SREBF2: variants seen among roughly 807,000 people sequenced by gnomAD.
The protein encoded by SREBF2 is sterol regulatory element-binding protein 2.
SREBF2 carries 55 observed loss-of-function variants against 113.1 expected under a neutral mutation model. The observed-to-expected ratio is 0.49, with a 90% CI of 0.39 to 0.61. SREBF2 has a LOEUF of 0.61. Among genes scored for constraint, SREBF2 ranks in the 20% least tolerant of loss-of-function variants. The pLI is 0.00. For synonymous variants in SREBF2, 593 were observed against 605.7 expected (o/e 0.98, Z 0.31); for missense variants, 1,349 against 1,487.4 (o/e 0.91, Z 1.53).
At chr22:41,878,719 A>C (rs980707634) in intron 9 of SREBF2, 1 of 1,304,314 alleles carries the variant, frequency 7.7e-7, no homozygotes, top group Non-Finnish European at 1.0e-6. Flanking sequence ...AAACATCCAC[A>C]TTTCAAGAGG....
intron 1 of SREBF2, among the ~76,000 whole-genome samples, chr22:41,856,536 T>C (rs958745119): frequency 1.4e-4 from 21 of 152,132 alleles, no homozygotes; most frequent in African/African-American, 4.6e-4. Flanking sequence ...TTAAATAGTT[T>C]TGAAGTAGAA....
intron 1 of SREBF2, among the ~76,000 whole-genome samples, chr22:41,849,833 A>G (rs1359094791): frequency 6.6e-6 from 1 of 152,188 alleles, no homozygotes; most frequent in African/African-American, 2.4e-5. Context: ...CAGCATTGAA[A>G]TGAACATTGA....
rs577901141 is a variant in SREBF2 at position 41,865,013 on chromosome 22, A to G, written c.89-1818A>G. ...AGGCTGTTCTCAAACTCCTGACCTC[A>G]AGTGACCCTCCCACCTTGGCCTCAC... On this transcript the variant is annotated intron_variant, in intron 1 of 18. Transcript: ENST00000361204. Among the ~76,000 whole-genome samples, 61 of 152,138 alleles carry G rather than the reference A, an allele frequency of 4.0e-4. No homozygotes were observed. The South Asian group carries it at 9.8e-3, about 24-fold the overall frequency.
intron 1 of SREBF2, among the ~76,000 whole-genome samples, chr22:41,864,324 T>TA (rs34701406): frequency 0.17 from 15,864 of 95,270 alleles, 1,889 homozygotes; most frequent in Admixed American, 0.33. Flanking sequence ...TATATATATA[T>TA]TTTTTTTTTT....
At chr22:41,889,644 C>T (rs2077336947) in intron 11 of SREBF2, among the ~76,000 whole-genome samples, 1 of 151,460 alleles carries the variant, frequency 6.6e-6, no homozygotes, top group Non-Finnish European at 1.5e-5. Context: ...ATGGTCACAC[C>T]TGTGAATAGA....
chr22:41,883,890 A>G (rs2077273422), intron 10 of SREBF2, among the ~76,000 whole-genome samples: 1 of 152,220 alleles, frequency 6.6e-6, no homozygotes, highest in African/African-American at 2.4e-5. Context: ...AGTGAGGACC[A>G]AAGCCAGCAA....
In SREBF2 at chr22:41,905,520, C is replaced by G. The variant is rs1432917304; in HGVS notation, c.3286C>G (p.Leu1096Val). 8 of 1,585,162 alleles carry G rather than the reference C, an allele frequency of 5.0e-6. No homozygotes were observed. Among genetic ancestry groups the G allele is most frequent in the Non-Finnish European group, 6.9e-6 (8 of 1,166,252 alleles). The change falls in exon 19 of 19, where the codon CTC (leucine) becomes GTC (valine). Residue 1096 changes from leucine to valine, a missense_variant. Leu to Val is a conservative substitution (Grantham distance 32). Around this residue, in one of 2 missense-constraint regions of SREBF2, gnomAD observed 650 missense variants for 644.1 expected, o/e 1.01. Transcript: ENST00000361204. ...CTGCCGCCACCTGCCCCTCTCCTTC[C>G]TCTCCTCCCCGGGCCAGCGGGCAGT... is the stretch of plus-strand genomic sequence containing the variant. ...LACRHLPLSF[L>V]SSPGQRAVLL...
intron 5 of SREBF2, 134 bp from the exon 6 acceptor site, chr22:41,875,203 T>A: frequency 1.4e-6 from 1 of 733,040 alleles, no homozygotes; most frequent in Non-Finnish European, 2.4e-6. Flanking sequence ...CAGCTAATCA[T>A]TGGGAGGACC....
chr22:41,871,885 C>G (rs989607287), intron 4 of SREBF2, among the ~76,000 whole-genome samples: 13 of 135,600 alleles, frequency 9.6e-5, no homozygotes, highest in African/African-American at 3.7e-4. Flanking sequence ...GATGACAGAA[C>G]GAGACTGACT....
chr22:41,849,263 G>A (rs1193955547), intron 1 of SREBF2, among the ~76,000 whole-genome samples: 2 of 152,076 alleles, frequency 1.3e-5, no homozygotes, highest in African/African-American at 4.8e-5. Context: ...CGCGATCTCA[G>A]CTACTGCAAA....
Position 41,870,898 on chromosome 22 carries a change from C to T in SREBF2, c.730C>T (p.Gln244Ter). ...TTCCTTCTTCATCCAGGTCCTGGTC[C>T]AGCCTCAGATCATCAAGACAGATTC... ...PQVQQVPVLV[Q>*]PQIIKTDSLV... Residue 244 changes from glutamine (Q) to a stop codon, truncating the protein, a stop_gained, in exon 4 of 19, where the codon CAG becomes TAG. Coordinates refer to ENST00000361204, the MANE Select transcript of SREBF2 (RefSeq NM_004599.4). LOFTEE classifies it high-confidence loss of function. 2 of 1,614,098 alleles carry T rather than the reference C, an allele frequency of 1.2e-6. No individual in the cohort carries two copies. The highest frequency in any genetic ancestry group is 1.7e-6 in the Non-Finnish European group (2 of 1,180,036).
At chr22:41,854,639 C>A (rs977700816) in intron 1 of SREBF2, among the ~76,000 whole-genome samples, 3 of 151,572 alleles carry the variant, frequency 2.0e-5, no homozygotes, top group Non-Finnish European at 4.4e-5. Context: ...GAGGCTGAGG[C>A]GGGCAGATCA....
intron 17 of SREBF2, among the ~76,000 whole-genome samples, chr22:41,903,976 C>T (rs989803643): frequency 4.6e-5 from 7 of 152,204 alleles, no homozygotes; most frequent in South Asian, 2.1e-4. Flanking sequence ...AGGCCTGGAG[C>T]GGCACCCCTG....
At chr22:41,902,929 G>A in intron 16 of SREBF2, 41 bp from the exon 17 acceptor site, 2 of 1,583,518 alleles carry the variant, frequency 1.3e-6, no homozygotes, top group East Asian at 2.3e-5. Flanking sequence ...TCAGGGATGG[G>A]CCAGTCACCT....
Position 41,875,741 on chromosome 22 carries a change from TCTC to T in SREBF2, c.1386+20_1386+22del. Reference sequence around the variant, plus strand: ...GATGCAAAGGTACAGACTTTTGAAATCTCCTGATCCCTGGAATCTTTCCCATTT... The same window carrying T: ...GATGCAAAGGTACAGACTTTTGAAATCTGATCCCTGGAATCTTTCCCATTT... On this transcript the variant is annotated intron_variant, in intron 7 of 18. Coordinates refer to ENST00000361204, the MANE Select transcript of SREBF2 (RefSeq NM_004599.4). 1 of 1,613,758 alleles carries T rather than the reference TCTC, an allele frequency of 6.2e-7. No individual in the cohort carries two copies. The highest frequency in any genetic ancestry group is 8.5e-7 in the Non-Finnish European group (1 of 1,179,768).
At chr22:41,882,978 G>C (rs2077263216) in intron 10 of SREBF2, among the ~76,000 whole-genome samples, 1 of 152,208 alleles carries the variant, frequency 6.6e-6, no homozygotes, top group Non-Finnish European at 1.5e-5. Context: ...TTTGTGGTGT[G>C]TGTCTGTGGT....
intron 15 of SREBF2, 78 bp downstream of exon 15, chr22:41,898,859 G>T: frequency 6.3e-7 from 1 of 1,579,080 alleles, no homozygotes. Context: ...AAACTGGACT[G>T]GGTGGGCGTG....
At chr22:41,891,091 C>G (rs1320188311) in intron 11 of SREBF2, among the ~76,000 whole-genome samples, 1 of 152,018 alleles carries the variant, frequency 6.6e-6, no homozygotes, top group African/African-American at 2.4e-5. Flanking sequence ...CCACCAGGCT[C>G]CCTTGCTGAT....
At chr22:41,871,883 A>C (rs1324408158) in intron 4 of SREBF2, among the ~76,000 whole-genome samples, 1 of 146,342 alleles carries the variant, frequency 6.8e-6, no homozygotes, top group Non-Finnish European at 1.5e-5. Context: ...TGGATGACAG[A>C]ACGAGACTGA....
Sources: gnomAD v4.1 joint callset for allele counts (sites outside exome capture counted in the v4.1 genomes callset) on GRCh38, gnomAD v4.1.1 for gene constraint, gnomAD v4.1.1 regional missense constraint, MANE v1.5 for transcripts, NCBI Gene and HGNC (gene_info 2026-07-23, HGNC 2026-07-21) for gene names.